Variants in GPM6B observed in about 807,000 individuals in gnomAD.
The protein encoded by GPM6B is neuronal membrane glycoprotein M6-b.
GPM6B carries 4 observed loss-of-function variants against 27.2 expected under a neutral mutation model. That is an observed-to-expected ratio of 0.15 (90% CI 0.07 to 0.34). The LOEUF (loss-of-function observed/expected upper bound fraction) is 0.34, where lower values mean the gene tolerates loss of function less well. Among genes scored for constraint, GPM6B ranks in the 10% least tolerant of loss-of-function variants. The pLI, the probability that GPM6B is intolerant of heterozygous loss-of-function variation, is 1.00. For missense variants in GPM6B, 183 were observed against 261.9 expected, an observed-to-expected ratio of 0.70 and a Z score of 2.08; for synonymous variants, 124 against 103.1, an observed-to-expected ratio of 1.20 and a Z score of -1.23.
At chrX:13,924,111 C>G (rs772830341) in intron 1 of GPM6B, among the ~76,000 whole-genome samples, 8 of 111,447 alleles carry the variant, frequency 7.2e-5, no homozygotes, top group Admixed American at 6.7e-4. Context: ...AACTGTTACA[C>G]GTCATCACTA....
At chrX:13,912,576 GGTCA>G (rs762091990) in intron 1 of GPM6B, among the ~76,000 whole-genome samples, 6 of 94,540 alleles carry the variant, frequency 6.3e-5, no homozygotes, top group Admixed American at 1.2e-4. Flanking sequence ...ACTGGAAAAA[GGTCA>G]GTATTTTTTC....
At position 13,774,723 on chromosome X, in the gene GPM6B, T is replaced by A. The variant is rs1602962635; in HGVS notation, c.837+1515A>T. On this transcript the variant is annotated intron_variant, in intron 7 of 7. Coordinates refer to ENST00000316715, the MANE Select transcript of GPM6B (RefSeq NM_001001995.3). ...GGTGGGGACGGGTGCCTGCTCATAG[T>A]CTAAGGTGTTTTTTTCCCACTTAAA... 8 of 596,488 alleles carry A rather than the reference T, an allele frequency of 1.3e-5. No individual in the cohort carries two copies. The East Asian group carries it at 2.7e-4, about 20-fold the overall frequency. 49.2% of individuals were successfully genotyped at this position (596,488 alleles called of 1,213,427 possible).
Position 13,902,083 on chromosome X carries a change from T to C in GPM6B, c.-198+36244A>G, listed in dbSNP as rs769291685. Reference sequence around the variant, plus strand: ...GCAGAAGCAGAATATTAGTTGACTATGGAACAGGAGTATAAGTGTGTGGTT... The same window carrying C: ...GCAGAAGCAGAATATTAGTTGACTACGGAACAGGAGTATAAGTGTGTGGTT... On this transcript the variant is annotated intron_variant, in intron 1 of 6. Transcript: ENST00000398361. Among the ~76,000 whole-genome samples, 14 of 111,890 alleles carry C rather than the reference T, an allele frequency of 1.3e-4. No individual in the cohort carries two copies. The East Asian group carries it at 3.7e-3, about 29-fold the overall frequency.
intron 5 of GPM6B, among the ~76,000 whole-genome samples, chrX:13,778,884 G>C (rs1269805449): frequency 8.9e-6 from 1 of 112,159 alleles, no homozygotes; most frequent in Non-Finnish European, 1.9e-5. Context: ...CTGATAGGTA[G>C]TTTCAAGCAA....
At chrX:13,841,430 C>G (rs1331098221) in intron 1 of GPM6B, among the ~76,000 whole-genome samples, 1 of 112,072 alleles carries the variant, frequency 8.9e-6, no homozygotes, top group African/African-American at 3.3e-5. Context: ...AATATATTTT[C>G]ACATCACCTT....
chrX:13,855,696 C>T (rs1349402252), intron 1 of GPM6B, among the ~76,000 whole-genome samples: 2 of 112,094 alleles, frequency 1.8e-5, no homozygotes, highest in African/African-American at 6.5e-5. Flanking sequence ...CACACACATG[C>T]ATACACCTGT....
chrX:13,901,549 C>A (rs2050282612), intron 1 of GPM6B, among the ~76,000 whole-genome samples: 1 of 111,409 alleles, frequency 9.0e-6, no homozygotes, highest in Non-Finnish European at 1.9e-5. Flanking sequence ...GTTTCACTCT[C>A]CCCCTAAACC....
At chrX:13,805,107 G>A (rs1439577445) in intron 2 of GPM6B, among the ~76,000 whole-genome samples, 2 of 111,691 alleles carry the variant, frequency 1.8e-5, no homozygotes, top group Non-Finnish European at 3.8e-5. Flanking sequence ...TTAAAACTAT[G>A]TGTAGGTGGA....
chrX:13,925,121 G>A (rs769191895), intron 1 of GPM6B, among the ~76,000 whole-genome samples: 3 of 111,379 alleles, frequency 2.7e-5, no homozygotes, highest in Admixed American at 1.9e-4. Context: ...CATCCCATAC[G>A]TTTGCTACTC....
intron 2 of GPM6B, among the ~76,000 whole-genome samples, chrX:13,790,907 G>A (rs944483196): frequency 8.9e-6 from 1 of 111,948 alleles, no homozygotes; most frequent in African/African-American, 3.3e-5. Context: ...GGGAGTGCCT[G>A]TGCACAAAAA....
At chrX:13,854,645 T>C (rs56201559) in intron 1 of GPM6B, among the ~76,000 whole-genome samples, 52,650 of 110,783 alleles carry the variant, frequency 0.48, 9,082 homozygotes, top group African/African-American at 0.49. Context: ...TCATTTCAAA[T>C]AGCTAAGAAG....
At chrX:13,926,583 C>A (rs1921225056) in intron 1 of GPM6B, among the ~76,000 whole-genome samples, 1 of 111,400 alleles carries the variant, frequency 9.0e-6, no homozygotes, top group Non-Finnish European at 1.9e-5. Context: ...CAAAACAGAT[C>A]AAGGAATAGA....
At chrX:13,801,283 C>A (rs903895861) in intron 2 of GPM6B, among the ~76,000 whole-genome samples, 8 of 111,527 alleles carry the variant, frequency 7.2e-5, no homozygotes, top group Admixed American at 6.6e-4. Context: ...AAGGGCTGAG[C>A]CTTAGTTGAC....
At chrX:13,776,108 C>T (rs866141434) in intron 7 of GPM6B, 130 bp downstream of exon 7, 47 of 526,851 alleles carry the variant, frequency 8.9e-5, no homozygotes, top group South Asian at 7.1e-4. Context: ...TTAACACAGG[C>T]GCCAGTTAAC....
At chrX:13,875,017 G>T (rs1319085564) in intron 1 of GPM6B, among the ~76,000 whole-genome samples, 1 of 102,672 alleles carries the variant, frequency 9.7e-6, no homozygotes, top group African/African-American at 3.7e-5. Context: ...AAACAGGATA[G>T]GCCCTATGAT....
intron 1 of GPM6B, among the ~76,000 whole-genome samples, chrX:13,895,434 G>T (rs1442053954): frequency 9.1e-6 from 1 of 110,133 alleles, no homozygotes; most frequent in African/African-American, 3.3e-5. Flanking sequence ...AAAAGCTGGG[G>T]GTGGGGGGTG....
chrX:13,813,326 G>A (rs1411144427), intron 1 of GPM6B, among the ~76,000 whole-genome samples: 2 of 110,388 alleles, frequency 1.8e-5, no homozygotes, highest in Admixed American at 9.7e-5. Flanking sequence ...TAAAATAGAT[G>A]TATTAATTTT....
intron 1 of GPM6B, among the ~76,000 whole-genome samples, chrX:13,916,666 T>C (rs764557342): frequency 8.4e-4 from 58 of 69,360 alleles, no homozygotes; most frequent in Non-Finnish European, 1.4e-3. Flanking sequence ...TTTATTAATG[T>C]GTGTGTGTGT....
At chrX:13,908,760 A>G (rs1248970483) in intron 1 of GPM6B, among the ~76,000 whole-genome samples, 4 of 112,600 alleles carry the variant, frequency 3.6e-5, no homozygotes, top group Admixed American at 9.4e-5. Context: ...ATTTCAAAAT[A>G]AAGAAATTTT....
Sources: gnomAD v4.1 joint callset for allele counts (sites outside exome capture counted in the v4.1 genomes callset) on GRCh38, gnomAD v4.1.1 for gene constraint, MANE v1.5 for transcripts, NCBI Gene and HGNC (gene_info 2026-07-23, HGNC 2026-07-21) for gene names.